CHN1: variants seen among roughly 807,000 people sequenced by gnomAD.
The protein encoded by CHN1 is chimerin 1.
Under a neutral mutation model 59.5 loss-of-function variants are expected in CHN1, and 37 were observed. The observed-to-expected ratio is 0.62, with a 90% CI of 0.48 to 0.82. The LOEUF (loss-of-function observed/expected upper bound fraction) is 0.82, where lower values mean the gene tolerates loss of function less well. Ranked by LOEUF, CHN1 falls within the 40% of genes least tolerant of loss-of-function variation. The probability of loss-of-function intolerance (pLI) is 0.00; values close to 1 mark genes in which losing one functional copy is unlikely to be tolerated. For missense variants in CHN1, 469 were observed against 571.0 expected (o/e 0.82, Z 1.82); for synonymous variants, 206 against 200.4 (o/e 1.03, Z -0.24).
At chr2:174,923,576 G>T (rs1387678958) in intron 3 of CHN1, among the ~76,000 whole-genome samples, 1 of 152,178 alleles carries the variant, frequency 6.6e-6, no homozygotes, top group African/African-American at 2.4e-5. Context: ...GTAGTTGAAG[G>T]TATATGGCAC....
chr2:174,879,667 T>C (rs930407572), intron 5 of CHN1, among the ~76,000 whole-genome samples: 4 of 152,208 alleles, frequency 2.6e-5, no homozygotes, highest in African/African-American at 9.7e-5. Context: ...ATCTGCAACA[T>C]GGAAAGCAAC....
At chr2:174,903,102 A>C (rs1688438637) in intron 5 of CHN1, among the ~76,000 whole-genome samples, 1 of 152,228 alleles carries the variant, frequency 6.6e-6, no homozygotes, top group African/African-American at 2.4e-5. Flanking sequence ...TTCTAAACTC[A>C]AAGCCACAAT....
chr2:174,937,132 A>G (rs1167838407), intron 3 of CHN1, among the ~76,000 whole-genome samples: 1 of 152,220 alleles, frequency 6.6e-6, no homozygotes, highest in African/African-American at 2.4e-5. Context: ...TGATTGTTTT[A>G]ATAGTTGATA....
intron 5 of CHN1, among the ~76,000 whole-genome samples, chr2:174,910,773 G>A (rs973333872): frequency 5.3e-5 from 8 of 151,824 alleles, no homozygotes; most frequent in African/African-American, 1.2e-4. Context: ...AGTGGCGGGC[G>A]CCTGTAGTCC....
intron 6 of CHN1, among the ~76,000 whole-genome samples, chr2:174,863,032 T>A (rs1463231652): frequency 6.6e-6 from 1 of 152,182 alleles, no homozygotes; most frequent in Non-Finnish European, 1.5e-5. Flanking sequence ...AATTAAAACT[T>A]TCAGGTAAAA....
At chr2:175,000,617 TATTTTTAGTAAAGGTGGGG>T (rs1481190472) in intron 1 of CHN1, among the ~76,000 whole-genome samples, 16 of 152,268 alleles carry the variant, frequency 1.1e-4, no homozygotes, top group Admixed American at 8.5e-4. Flanking sequence ...CTAATATTTG[TATTTTTAGTAAAGGTGGGG>T]ATTCACCATG....
chr2:174,921,983 A>C (rs970031152), intron 3 of CHN1, among the ~76,000 whole-genome samples: 7 of 152,132 alleles, frequency 4.6e-5, no homozygotes, highest in African/African-American at 1.7e-4. Context: ...GTTATCTGTG[A>C]GGTTGTAGTC....
At chr2:174,910,870 C>T (rs1286263935) in intron 5 of CHN1, among the ~76,000 whole-genome samples, 1 of 144,190 alleles carries the variant, frequency 6.9e-6, no homozygotes, top group Admixed American at 7.0e-5. Flanking sequence ...ACAGCACTCC[C>T]GCCTGGGCGA....
At chr2:174,945,264 A>G (rs1160740418) in intron 2 of CHN1, 2 of 417,102 alleles carry the variant, frequency 4.8e-6, no homozygotes, top group Non-Finnish European at 9.8e-6. Flanking sequence ...AAGGATGTCT[A>G]TGATATAAAC....
intron 11 of CHN1, among the ~76,000 whole-genome samples, chr2:174,807,139 A>G (rs979314165): frequency 6.6e-6 from 1 of 152,148 alleles, no homozygotes; most frequent in Non-Finnish European, 1.5e-5. Context: ...AATAAAAAGG[A>G]GAGATTTTCT....
chr2:175,004,978 A>G lies in CHN1; in HGVS notation c.-66T>C. 1 of 1,502,632 alleles carries G rather than the reference A, an allele frequency of 6.7e-7. No homozygotes were observed. Among genetic ancestry groups the G allele is most frequent in the Non-Finnish European group, 8.9e-7 (1 of 1,127,764 alleles). 93.1% of individuals were successfully genotyped at this position (1,502,632 alleles called of 1,614,324 possible). A position where few individuals can be genotyped will look rare whatever the true frequency, so the allele number is the denominator to read the frequency against. Reference sequence around the variant, plus strand: ...TCCCAGGCGGGCTAGGGATCACCTCATCAGCCCGCCGCACCCACACCTCGG... The same window carrying G: ...TCCCAGGCGGGCTAGGGATCACCTCGTCAGCCCGCCGCACCCACACCTCGG... On this transcript the variant is annotated 5_prime_UTR_variant, in exon 1 of 13. An upstream start codon of the reference 5' UTR is lost. Coordinates refer to ENST00000409900, the MANE Select transcript of CHN1 (RefSeq NM_001822.7).
At chr2:174,867,860 T>C (rs978111981) in intron 6 of CHN1, among the ~76,000 whole-genome samples, 1 of 152,244 alleles carries the variant, frequency 6.6e-6, no homozygotes, top group African/African-American at 2.4e-5. Flanking sequence ...TTATTAGTTA[T>C]ATTATCTGTC....
At chr2:174,890,543 G>GA (rs1488024738) in intron 5 of CHN1, among the ~76,000 whole-genome samples, 1 of 151,712 alleles carries the variant, frequency 6.6e-6, no homozygotes, top group African/African-American at 2.4e-5. Context: ...AGAAGAAGAA[G>GA]AAAAAATATA....
chr2:174,938,690 T>C (rs1366322216), intron 3 of CHN1, among the ~76,000 whole-genome samples: 1 of 152,160 alleles, frequency 6.6e-6, no homozygotes, highest in East Asian at 1.9e-4. Context: ...CTTAAGGAAC[T>C]GACTATAAGC....
intron 1 of CHN1, among the ~76,000 whole-genome samples, chr2:174,962,106 G>A (rs1328564302): frequency 3.9e-5 from 6 of 152,058 alleles, no homozygotes; most frequent in Non-Finnish European, 7.4e-5. Flanking sequence ...CCAACATGGT[G>A]AAACCCCGTC....
intron 11 of CHN1, among the ~76,000 whole-genome samples, chr2:174,802,644 T>C (rs1168278370): frequency 6.6e-6 from 1 of 152,234 alleles, no homozygotes; most frequent in Admixed American, 6.5e-5. Flanking sequence ...GTCATTTGTA[T>C]AACTGAAAAC....
At chr2:174,953,413 C>A (rs1690088895) in intron 1 of CHN1, among the ~76,000 whole-genome samples, 1 of 152,232 alleles carries the variant, frequency 6.6e-6, no homozygotes, top group East Asian at 1.9e-4. Flanking sequence ...TTGCTTGGCA[C>A]CCCATAGAGT....
chr2:174,850,012 G>A (rs1240925247), intron 6 of CHN1, among the ~76,000 whole-genome samples: 2 of 152,104 alleles, frequency 1.3e-5, no homozygotes, highest in Middle Eastern at 3.2e-3. Context: ...ATCAATGGAT[G>A]GTAAGAAAAA....
chr2:174,957,689 A>G (rs567751523), intron 1 of CHN1, among the ~76,000 whole-genome samples: 4 of 152,116 alleles, frequency 2.6e-5, no homozygotes, highest in Non-Finnish European at 5.9e-5. Context: ...GCTCCAAACC[A>G]TAAGAGGTGG....
Sources: gnomAD v4.1 joint callset for allele counts (sites outside exome capture counted in the v4.1 genomes callset) on GRCh38, gnomAD v4.1.1 for gene constraint, MANE v1.5 for transcripts, NCBI Gene and HGNC (gene_info 2026-07-23, HGNC 2026-07-21) for gene names.